JMJD1C: variants seen among roughly 807,000 people sequenced by gnomAD.
The protein encoded by JMJD1C is jumonji domain containing 1C.
JMJD1C carries 31 observed loss-of-function variants against 245.3 expected under a neutral mutation model. That is an observed-to-expected ratio of 0.13 (90% CI 0.09 to 0.17). JMJD1C has a LOEUF of 0.17. Among genes scored for constraint, JMJD1C ranks in the 10% least tolerant of loss-of-function variants. The pLI is 1.00. For missense variants in JMJD1C, 2,691 were observed against 3,000.2 expected (o/e 0.90, Z 2.41); for synonymous variants, 1,057 against 1,017.4 (o/e 1.04, Z -0.74).
chr10:63,249,737 G>A lies in JMJD1C; in HGVS notation c.447+14914C>T, dbSNP rs185440542. On this transcript the variant is annotated intron_variant, in intron 3 of 25. Coordinates refer to ENST00000399262, the MANE Select transcript of JMJD1C (RefSeq NM_032776.3). Reference sequence around the variant, plus strand: ...TAGCCAGGCGTGGTGGCGTGCGCCTGTAGTCCCAACTACTCGGGAGGCTGA... The same window carrying A: ...TAGCCAGGCGTGGTGGCGTGCGCCTATAGTCCCAACTACTCGGGAGGCTGA... Among the ~76,000 whole-genome samples, 51 of 152,138 alleles carry A rather than the reference G, an allele frequency of 3.4e-4. 1 individual carries two copies. In the East Asian group the frequency reaches 8.5e-3, roughly 25 times the overall value.
chr10:63,301,729 G>A (rs899610521), intron 2 of JMJD1C: 7 of 450,518 alleles, frequency 1.6e-5, no homozygotes, highest in African/African-American at 1.2e-4. Flanking sequence ...AAACCTTGAT[G>A]ACGCAGCAAA....
At chr10:63,356,373 G>T (rs972898810) in intron 2 of JMJD1C, among the ~76,000 whole-genome samples, 1 of 152,088 alleles carries the variant, frequency 6.6e-6, no homozygotes, top group Non-Finnish European at 1.5e-5. Flanking sequence ...TCAAAGAAAG[G>T]ACCTCCTTCC....
In JMJD1C at chr10:63,362,156, A is replaced by G. The variant is rs116843725; in HGVS notation, c.333+18162T>C. On this transcript the variant is annotated intron_variant, in intron 2 of 25. Coordinates refer to ENST00000399262, the MANE Select transcript of JMJD1C (RefSeq NM_032776.3). The stretch of plus-strand genomic sequence containing the variant: ...GTGCTGAGGCAGGAGGATCACTCGA[A>G]CCTGGGAGGCGGAGGCTACAGTGAG... Among the ~76,000 whole-genome samples, 115 of 151,798 alleles carry G rather than the reference A, an allele frequency of 7.6e-4. 1 individual carries two copies. In the East Asian group the frequency reaches 0.02, roughly 27 times the overall value.
chr10:63,426,391 T>C (rs916000032), intron 1 of JMJD1C, among the ~76,000 whole-genome samples: 3 of 152,026 alleles, frequency 2.0e-5, no homozygotes, highest in Non-Finnish European at 4.4e-5. Context: ...AGAGACTGTA[T>C]TACTACTACA....
chr10:63,406,130 C>T (rs1196072509), intron 1 of JMJD1C, among the ~76,000 whole-genome samples: 1 of 152,160 alleles, frequency 6.6e-6, no homozygotes, highest in Non-Finnish European at 1.5e-5. Context: ...CAACTACTCA[C>T]ACCTCCTGCT....
At chr10:63,448,649 T>A (rs1418437305) in intron 1 of JMJD1C, among the ~76,000 whole-genome samples, 2 of 152,232 alleles carry the variant, frequency 1.3e-5, no homozygotes, top group Non-Finnish European at 2.9e-5. Context: ...TAAAGTATAG[T>A]GTTCTAGAGA....
intron 2 of JMJD1C, among the ~76,000 whole-genome samples, chr10:63,316,220 A>C (rs935515846): frequency 6.6e-6 from 1 of 152,252 alleles, no homozygotes; most frequent in Non-Finnish European, 1.5e-5. Context: ...TAGCACTTCA[A>C]ACATGTCATT....
At chr10:63,440,388 AGC>A (rs1279139690) in intron 1 of JMJD1C, among the ~76,000 whole-genome samples, 1 of 149,810 alleles carries the variant, frequency 6.7e-6, no homozygotes, top group African/African-American at 2.4e-5. Flanking sequence ...AGAGAGAGAG[AGC>A]GCAAGCGTGC....
chr10:63,278,903 T>G (rs1388348042), intron 2 of JMJD1C, among the ~76,000 whole-genome samples: 2 of 151,192 alleles, frequency 1.3e-5, no homozygotes. Context: ...TCATTTCTGG[T>G]CTTATATACT....
At chr10:63,488,368 A>C (rs1013830066) in intron 1 of JMJD1C, among the ~76,000 whole-genome samples, 1 of 152,198 alleles carries the variant, frequency 6.6e-6, no homozygotes, top group Non-Finnish European at 1.5e-5. Context: ...CAATGTTCTA[A>C]AGCTACCTTT....
intron 3 of JMJD1C, among the ~76,000 whole-genome samples, chr10:63,240,260 T>C (rs1851317601): frequency 6.6e-6 from 1 of 151,490 alleles, no homozygotes; most frequent in Non-Finnish European, 1.5e-5. Context: ...AAAGGAACAC[T>C]ACAGAAAATA....
chr10:63,256,255 C>G (rs1853910644), intron 3 of JMJD1C, among the ~76,000 whole-genome samples: 2 of 152,146 alleles, frequency 1.3e-5, no homozygotes, highest in African/African-American at 2.4e-5. Context: ...TTCAACACAT[C>G]AAGTTTCGCA....
chr10:63,321,290 G>C (rs1418278926), intron 2 of JMJD1C, among the ~76,000 whole-genome samples: 1 of 152,246 alleles, frequency 6.6e-6, no homozygotes, highest in Non-Finnish European at 1.5e-5. Flanking sequence ...TTGAACATGA[G>C]AAGGAGCTGG....
intron 2 of JMJD1C, among the ~76,000 whole-genome samples, chr10:63,326,610 T>C (rs1036742090): frequency 6.6e-6 from 1 of 151,886 alleles, no homozygotes; most frequent in African/African-American, 2.4e-5. Context: ...CCAGGCACAG[T>C]GGCTCACGCG....
At chr10:63,483,395 T>G (rs190793111) in intron 1 of JMJD1C, among the ~76,000 whole-genome samples, 81 of 152,244 alleles carry the variant, frequency 5.3e-4, no homozygotes, top group African/African-American at 1.9e-3. Context: ...TTAGGAAACA[T>G]AAGTTTTGGA....
At position 63,214,796 on chromosome 10, in the gene JMJD1C, T is replaced by C. The variant is rs1326857785; in HGVS notation, c.1371A>G (p.Gln457=). 6.2e-7 allele frequency: 1 copy of C among 1,613,800 alleles called. No homozygotes were observed. Among genetic ancestry groups the C allele is most frequent in the South Asian group, 1.1e-5 (1 of 91,070 alleles). Residue 457 remains glutamine, a synonymous_variant, in exon 8 of 26, where the codon CAA becomes CAG. Transcript: ENST00000399262. ...EKRKSVDTQL[Q]EDMIIHSSEQ... is the part of the protein sequence containing the mutation. Reference sequence around the variant, plus strand: ...CTGACGAATGAATAATCATATCTTCTTGAAGCTGAGTGTCAACAGACTTCC... The same window carrying C: ...CTGACGAATGAATAATCATATCTTCCTGAAGCTGAGTGTCAACAGACTTCC...
chr10:63,507,631 TAAG>T (rs1437433693), intron 1 of JMJD1C, among the ~76,000 whole-genome samples: 2 of 71,146 alleles, frequency 2.8e-5, no homozygotes, highest in Non-Finnish European at 4.6e-5. Context: ...GGCAACAGAG[TAAG>T]ACTCTGTCTC....
chr10:63,367,069 G>T (rs921785686), intron 2 of JMJD1C, among the ~76,000 whole-genome samples: 1 of 152,118 alleles, frequency 6.6e-6, no homozygotes, highest in Non-Finnish European at 1.5e-5. Flanking sequence ...TCCCAGCTGG[G>T]TGTAAATCTT....
At chr10:63,374,641 T>C (rs1299627696) in intron 2 of JMJD1C, among the ~76,000 whole-genome samples, 1 of 152,232 alleles carries the variant, frequency 6.6e-6, no homozygotes, top group African/African-American at 2.4e-5. Flanking sequence ...AGGCTTGCAA[T>C]GGTATTTATC....
Sources: gnomAD v4.1 joint callset for allele counts (sites outside exome capture counted in the v4.1 genomes callset) on GRCh38, gnomAD v4.1.1 for gene constraint, MANE v1.5 for transcripts, NCBI Gene and HGNC (gene_info 2026-07-23, HGNC 2026-07-21) for gene names.